Variants in PARPBP observed in about 807,000 individuals in gnomAD.
The protein encoded by PARPBP is PARP1 binding protein, also known as PCNA-interacting partner.
In PARPBP, 52 loss-of-function variants were observed where a neutral mutation model predicts 50.0. The observed-to-expected ratio is 1.04, with a 90% CI of 0.83 to 1.31. The LOEUF (loss-of-function observed/expected upper bound fraction) is 1.31. Among genes scored for constraint, PARPBP ranks in the 50% most tolerant of loss-of-function variants. PARPBP has a pLI of 0.00. For missense variants in PARPBP, 697 were observed against 672.0 expected (o/e 1.04, Z -0.41); for synonymous variants, 244 against 232.1 (o/e 1.05, Z -0.47).
At chr12:102,123,200 T>A (rs568996070) in intron 1 of PARPBP, among the ~76,000 whole-genome samples, 1 of 152,244 alleles carries the variant, frequency 6.6e-6, no homozygotes, top group African/African-American at 2.4e-5. Context: ...CGCAAGTGTT[T>A]AGCATAAACT....
At chr12:102,136,589 A>G (rs1883665876) in intron 2 of PARPBP, among the ~76,000 whole-genome samples, 1 of 152,136 alleles carries the variant, frequency 6.6e-6, no homozygotes, top group African/African-American at 2.4e-5. Flanking sequence ...CTAATTTTCT[A>G]CTTGCTAATT....
intron 5 of PARPBP, 97 bp downstream of exon 5, chr12:102,164,705 G>A: frequency 1.1e-6 from 1 of 914,368 alleles, no homozygotes; most frequent in Admixed American, 1.8e-5. Context: ...CTTTTAAGTG[G>A]TTAATTTATG....
chr12:102,182,534 T>C lies in PARPBP; in HGVS notation c.1185-15T>C. On this transcript the variant is annotated splice_polypyrimidine_tract_variant and intron_variant, in intron 8 of 10. Transcript: ENST00000327680. ...CCATAGCAATAAATTTTTGCCTTTTTTTTTTTTGACATAGGTCTCCCACAC... is the reference window on the plus strand; with the variant it reads ...CCATAGCAATAAATTTTTGCCTTTTCTTTTTTTGACATAGGTCTCCCACAC... 1 of 1,589,536 alleles carries C rather than the reference T, an allele frequency of 6.3e-7. No homozygotes were observed. Among genetic ancestry groups the C allele is most frequent in the Non-Finnish European group, 8.6e-7 (1 of 1,167,730 alleles).
At chr12:102,182,453 A>G (rs1201076725) in intron 8 of PARPBP, 96 bp from the exon 9 acceptor site, 1 of 797,958 alleles carries the variant, frequency 1.3e-6, no homozygotes, top group African/African-American at 1.7e-5. Context: ...AGGAAAAACT[A>G]GATTGTATTG....
At chr12:102,174,535 T>C (rs1480417954) in intron 6 of PARPBP, among the ~76,000 whole-genome samples, 1 of 152,182 alleles carries the variant, frequency 6.6e-6, no homozygotes, top group African/African-American at 2.4e-5. Context: ...ATACCCAAGG[T>C]TGAAAGTGGC....
At chr12:102,172,188 G>C (rs578078587) in intron 6 of PARPBP, among the ~76,000 whole-genome samples, 1 of 152,298 alleles carries the variant, frequency 6.6e-6, no homozygotes, top group African/African-American at 2.4e-5. Context: ...GATGCAGTTA[G>C]GAGTCAGGAG....
chr12:102,184,074 T>G (rs954814780), intron 9 of PARPBP, among the ~76,000 whole-genome samples: 1 of 116,310 alleles, frequency 8.6e-6, no homozygotes, highest in Admixed American at 8.5e-5. Context: ...AAAGAAAGAA[T>G]GTAAGACATG....
rs1454836729 is a variant in PARPBP at position 102,175,604 on chromosome 12, A to C, written c.943A>C (p.Asn315His). ...VAQDLDLRIKNIINSQEGVVA... is the reference protein window; with the variant it reads ...VAQDLDLRIKHIINSQEGVVA... ...TCAGGATTTGGATTTGAGGATTAAA[A>C]ATATTATCAATTCTCAAGAAGGTGT... The change falls in exon 7 of 11, where the codon AAT becomes CAT. Residue 315 changes from asparagine (N) to histidine (H), a missense_variant. Asn to His is a moderately conservative substitution (Grantham distance 68). Transcript: ENST00000327680. 6.2e-7 allele frequency: 1 copy of C among 1,613,512 alleles called. No individual in the cohort carries two copies. The highest frequency in any genetic ancestry group is 1.3e-5 in the African/African-American group (1 of 74,926).
intron 1 of PARPBP, among the ~76,000 whole-genome samples, chr12:102,121,545 CTTTTT>C (rs35855638): frequency 5.6e-4 from 49 of 87,194 alleles, no homozygotes; most frequent in African/African-American, 2.2e-3. Flanking sequence ...TAGTAATGCT[CTTTTT>C]TTTTTTTTTT....
In PARPBP at chr12:102,120,271, G is replaced by C. The variant is rs1308110406; in HGVS notation, c.-19G>C. The C allele has an allele frequency of 3.1e-6, 1 of 326,422 alleles. No individual in the cohort carries two copies. Among genetic ancestry groups the C allele is most frequent in the Non-Finnish European group, 6.2e-6 (1 of 160,082 alleles). 20.2% of individuals were successfully genotyped at this position (326,422 alleles called of 1,614,324 possible). ...CGCACACTGAAGAGTACGTCTTCGG[G>C]TCTACCCCTAATCACGTAAGTCTCG... is the stretch of plus-strand genomic sequence containing the variant. On this transcript the variant is annotated 5_prime_UTR_variant, in exon 1 of 11. Transcript: ENST00000327680.
At chr12:102,177,743 A>C (rs1164025255) in intron 7 of PARPBP, among the ~76,000 whole-genome samples, 1 of 152,230 alleles carries the variant, frequency 6.6e-6, no homozygotes, top group East Asian at 1.9e-4. Flanking sequence ...TTCCTTGCTT[A>C]CTGAAGCAAG....
At chr12:102,158,648 A>C (rs767859315) in intron 4 of PARPBP, among the ~76,000 whole-genome samples, 3 of 149,424 alleles carry the variant, frequency 2.0e-5, no homozygotes, top group Non-Finnish European at 4.5e-5. Context: ...TGATGCTCCA[A>C]ATCTTGACAA....
chr12:102,165,580 A>G (rs1317959628), intron 5 of PARPBP, 149 bp from the exon 6 acceptor site: 1 of 608,860 alleles, frequency 1.6e-6, no homozygotes, highest in Non-Finnish European at 2.8e-6. Context: ...TTGGTTATTT[A>G]CTTCTGACTC....
intron 9 of PARPBP, among the ~76,000 whole-genome samples, chr12:102,185,350 C>T (rs775689646): frequency 3.9e-5 from 6 of 152,082 alleles, no homozygotes; most frequent in East Asian, 1.9e-4. Context: ...TTGCATATGT[C>T]GAACCATTCT....
At chr12:102,136,914 A>G (rs1274656755) in intron 2 of PARPBP, among the ~76,000 whole-genome samples, 1 of 151,724 alleles carries the variant, frequency 6.6e-6, no homozygotes, top group African/African-American at 2.4e-5. Flanking sequence ...AGCTCTATTT[A>G]GATTTCTCTT....
chr12:102,163,260 T>C (rs1408007714), intron 4 of PARPBP, among the ~76,000 whole-genome samples: 1 of 152,248 alleles, frequency 6.6e-6, no homozygotes, highest in African/African-American at 2.4e-5. Context: ...CGTATAGTAA[T>C]TTAGATTGTT....
intron 2 of PARPBP, among the ~76,000 whole-genome samples, chr12:102,143,991 A>T (rs934950424): frequency 5.3e-5 from 8 of 152,176 alleles, no homozygotes; most frequent in Non-Finnish European, 1.0e-4. Flanking sequence ...CCTCAAAACA[A>T]TGATTTTACT....
In PARPBP at chr12:102,196,888, A is replaced by G. The variant is rs1258718295; in HGVS notation, c.*597A>G. 8 of 1,222,706 alleles carry G rather than the reference A, an allele frequency of 6.5e-6. No homozygotes were observed. Among genetic ancestry groups the G allele is most frequent in the Non-Finnish European group, 9.4e-6 (8 of 847,972 alleles). The allele number at this position is 1,222,706 out of a possible 1,614,324, so 75.7% of individuals were successfully genotyped here. On this transcript the variant is annotated 3_prime_UTR_variant, in exon 11 of 11. Transcript: ENST00000327680. ...AGCCATGGTCTTATTTGATTTTGTT[A>G]TGATTGCATCCAAATTCACTTTAAC...
intron 3 of PARPBP, chr12:102,151,812 G>A: frequency 6.5e-7 from 1 of 1,526,780 alleles, no homozygotes. Context: ...TGAGACAATG[G>A]GAAAGCCACC....
Sources: gnomAD v4.1 joint callset for allele counts (sites outside exome capture counted in the v4.1 genomes callset) on GRCh38, gnomAD v4.1.1 for gene constraint, MANE v1.5 for transcripts, NCBI Gene and HGNC (gene_info 2026-07-23, HGNC 2026-07-21) for gene names.